The following MKLN1 variants were observed in gnomAD, a reference collection of about 807,000 sequenced individuals.
The protein encoded by MKLN1 is muskelin 1.
A neutral mutation model predicts 99.0 loss-of-function variants in MKLN1; 18 were observed. That is an observed-to-expected ratio of 0.18 (90% CI 0.13 to 0.27). The LOEUF (loss-of-function observed/expected upper bound fraction) is 0.27, where lower values mean the gene tolerates loss of function less well. Ranked by LOEUF, MKLN1 falls within the 10% of genes least tolerant of loss-of-function variation. MKLN1 has a pLI of 1.00. For missense variants in MKLN1, 621 were observed against 875.9 expected, an observed-to-expected ratio of 0.71 and a Z score of 3.67; for synonymous variants, 288 against 293.2, an observed-to-expected ratio of 0.98 and a Z score of 0.18.
At chr7:131,365,954 T>C (rs1364148476) in intron 1 of MKLN1, among the ~76,000 whole-genome samples, 3 of 152,174 alleles carry the variant, frequency 2.0e-5, no homozygotes, top group Non-Finnish European at 2.9e-5. Flanking sequence ...TTACTGACTT[T>C]TGTGTAGGAG....
chr7:131,162,509 T>G (rs973779393), intron 2 of MKLN1, among the ~76,000 whole-genome samples: 2 of 152,218 alleles, frequency 1.3e-5, no homozygotes, highest in Non-Finnish European at 2.9e-5. Context: ...TGGTTTCTGA[T>G]CATTCGATTG....
chr7:131,434,330 G>C (rs144904174), intron 9 of MKLN1, among the ~76,000 whole-genome samples: 26 of 152,240 alleles, frequency 1.7e-4, no homozygotes, highest in African/African-American at 6.3e-4. Context: ...CTTGATATCA[G>C]TGTATTTTGC....
chr7:131,328,846 C>A (rs1798978577), intron 1 of MKLN1, among the ~76,000 whole-genome samples: 1 of 152,108 alleles, frequency 6.6e-6, no homozygotes, highest in Admixed American at 6.5e-5. Flanking sequence ...TTTTCTCTAG[C>A]AAATTCCTTC....
chr7:131,115,624 G>A (rs1795264273), intron 1 of MKLN1, among the ~76,000 whole-genome samples: 1 of 151,942 alleles, frequency 6.6e-6, no homozygotes, highest in South Asian at 2.1e-4. Flanking sequence ...CTCCATGCAG[G>A]GCCCGTGGAG....
intron 15 of MKLN1, among the ~76,000 whole-genome samples, chr7:131,470,519 A>G (rs1299057011): frequency 1.3e-5 from 2 of 152,218 alleles, no homozygotes; most frequent in Non-Finnish European, 2.9e-5. Flanking sequence ...CTGTTTTATA[A>G]AATACGTAGT....
chr7:131,283,346 C>CCCTTCCT lies in MKLN1; in HGVS notation c.-179+80372_-179+80373insCCTTCCT, dbSNP rs1563278415. Among the ~76,000 whole-genome samples the CCCTTCCT allele has an allele frequency of 4.5e-4, 23 of 51,446 alleles. 2 individuals carry two copies. Among genetic ancestry groups the CCCTTCCT allele is most frequent in the African/African-American group, 1.5e-3 (18 of 11,814 alleles). 33.8% of individuals were successfully genotyped at this position (51,446 alleles called of 152,430 possible). A position where few individuals can be genotyped will look rare whatever the true frequency, so the allele number is the denominator to read the frequency against. On this transcript the variant is annotated intron_variant, in intron 3 of 7. Coordinates refer to the MKLN1 transcript ENST00000416992. ...CCCTCCCTCCTTCCCTTCCCTTCCC[C>CCCTTCCT]TCCTTCCTTCCTTCCTTCCTTCCTT... is the stretch of plus-strand genomic sequence containing the variant.
intron 1 of MKLN1, among the ~76,000 whole-genome samples, chr7:131,341,934 T>A (rs1238591894): frequency 1.3e-5 from 2 of 152,212 alleles, no homozygotes; most frequent in Non-Finnish European, 2.9e-5. Context: ...CAGGAACCAG[T>A]ACTGGTCTGT....
intron 1 of MKLN1, among the ~76,000 whole-genome samples, chr7:131,340,397 C>T (rs1048358885): frequency 2.2e-5 from 3 of 135,192 alleles, no homozygotes; most frequent in African/African-American, 7.8e-5. Flanking sequence ...CCTGCCTCAG[C>T]CCCCCCAAGT....
At chr7:131,418,995 G>C (rs1454835841) in intron 8 of MKLN1, among the ~76,000 whole-genome samples, 2 of 152,058 alleles carry the variant, frequency 1.3e-5, no homozygotes, top group Non-Finnish European at 2.9e-5. Context: ...AAAGAAATCA[G>C]AAAATACTAT....
chr7:131,171,259 G>T (rs958260887), intron 2 of MKLN1, among the ~76,000 whole-genome samples: 6 of 152,108 alleles, frequency 3.9e-5, no homozygotes, highest in African/African-American at 1.4e-4. Flanking sequence ...AGTGTATACT[G>T]TAACCCCACT....
chr7:131,319,095 T>G (rs1798722959), intron 3 of MKLN1, among the ~76,000 whole-genome samples: 1 of 152,320 alleles, frequency 6.6e-6, no homozygotes, highest in Middle Eastern at 3.4e-3. Context: ...ACTCATTTTA[T>G]GAGGCCAGCG....
chr7:131,370,902 GT>G (rs1210659688), intron 1 of MKLN1, among the ~76,000 whole-genome samples: 2 of 152,160 alleles, frequency 1.3e-5, no homozygotes, highest in Non-Finnish European at 2.9e-5. Flanking sequence ...GCTCAGGAGA[GT>G]TACTTAGTTG....
intron 2 of MKLN1, among the ~76,000 whole-genome samples, chr7:131,383,129 A>G (rs1016093224): frequency 1.3e-5 from 2 of 152,108 alleles, no homozygotes; most frequent in East Asian, 1.9e-4. Flanking sequence ...TTTTGTTGCT[A>G]TTGTTCCACA....
At chr7:131,482,864 C>G (rs868272481) in intron 17 of MKLN1, among the ~76,000 whole-genome samples, 1 of 152,166 alleles carries the variant, frequency 6.6e-6, no homozygotes, top group African/African-American at 2.4e-5. Flanking sequence ...ATGATTATCC[C>G]CACAGTAGCC....
chr7:131,265,965 G>A (rs1395852295), intron 3 of MKLN1, among the ~76,000 whole-genome samples: 2 of 152,096 alleles, frequency 1.3e-5, no homozygotes, highest in Non-Finnish European at 2.9e-5. Context: ...CATGAGGCCA[G>A]GAGTCTGAGA....
At chr7:131,428,461 TA>T (rs1385700637) in intron 8 of MKLN1, among the ~76,000 whole-genome samples, 1 of 152,198 alleles carries the variant, frequency 6.6e-6, no homozygotes, top group Non-Finnish European at 1.5e-5. Context: ...AATTTTAACT[TA>T]AAGCTAGTTT....
intron 1 of MKLN1, among the ~76,000 whole-genome samples, chr7:131,371,399 G>A (rs1189439258): frequency 2.0e-5 from 3 of 152,058 alleles, no homozygotes; most frequent in Admixed American, 6.6e-5. Context: ...CAGTCCTTAA[G>A]CTTTTCTTCT....
chr7:131,291,996 A>C (rs1482043381), intron 3 of MKLN1, among the ~76,000 whole-genome samples: 1 of 151,996 alleles, frequency 6.6e-6, no homozygotes, highest in East Asian at 1.9e-4. Context: ...AGTCCTAGCT[A>C]TTCAGGGGGC....
intron 3 of MKLN1, among the ~76,000 whole-genome samples, chr7:131,297,242 T>A (rs1798303975): frequency 6.6e-6 from 1 of 151,978 alleles, no homozygotes. Flanking sequence ...GCGCCTGTAG[T>A]TCCCGCTACT....
Sources: gnomAD v4.1 joint callset for allele counts (sites outside exome capture counted in the v4.1 genomes callset) on GRCh38, gnomAD v4.1.1 for gene constraint, MANE v1.5 for transcripts, NCBI Gene and HGNC (gene_info 2026-07-23, HGNC 2026-07-21) for gene names.